Variants in TTN observed in about 807,000 individuals in gnomAD.
TTN encodes the protein titin.
TTN carries 1,525 observed loss-of-function variants against 3,223.0 expected under a neutral mutation model. The observed-to-expected ratio is 0.47, with a 90% confidence interval of 0.45 to 0.49. The LOEUF is 0.49. Among genes scored for constraint, TTN ranks in the 20% least tolerant of loss-of-function variants. The probability of loss-of-function intolerance (pLI) is 0.00; values close to 1 mark genes in which losing one functional copy is unlikely to be tolerated. For missense variants in TTN, 40,786 were observed against 43,424.0 expected (o/e 0.94, Z 5.40); for synonymous variants, 14,094 against 15,161.0 (o/e 0.93, Z 5.17).
At chr2:178,714,883 G>A (rs909277289) in intron 90 of TTN, 103 bp downstream of exon 90, 2 of 1,424,348 alleles carry the variant, frequency 1.4e-6, no homozygotes, top group East Asian at 2.3e-5. Context: ...AAGGGAAAGT[G>A]GAATAGGCTG....
At chr2:178,557,595 A>G (rs750566312) in intron 328 of TTN, 40 bp from the exon 329 acceptor site, 64 of 1,613,016 alleles carry the variant, frequency 4.0e-5, no homozygotes, top group Non-Finnish European at 5.3e-5. Flanking sequence ...TACAGACAAT[A>G]ACACATTTAT....
Position 178,530,099 on chromosome 2 carries a change from A to G in TTN, c.106392T>C (p.Gly35464=). The G allele has an allele frequency of 6.2e-7, 1 of 1,603,422 alleles. No homozygotes were observed. Among genetic ancestry groups the G allele is most frequent in the Non-Finnish European group, 8.5e-7 (1 of 1,177,328 alleles). Residue 35464 remains glycine, a synonymous_variant, in exon 359 of 363, where the codon GGT becomes GGC. Coordinates refer to ENST00000589042, the MANE Select transcript of TTN (RefSeq NM_001267550.2). ...CCTTGTCTTCAGAGAGTTTATATTTACCTCCTTGTGTAATGGCCTGTAGAA... is the reference window on the plus strand; with the variant it reads ...CCTTGTCTTCAGAGAGTTTATATTTGCCTCCTTGTGTAATGGCCTGTAGAA... ...TKDGKAITQG[G]KYKLSEDKGG... is the part of the protein sequence containing the mutation.
In TTN at chr2:178,562,631, C is replaced by T; in HGVS notation, c.83501G>A (p.Cys27834Tyr). Residue 27834 changes from cysteine to tyrosine, a missense_variant, in exon 326 of 363, where the codon TGT (cysteine) becomes TAT (tyrosine). By Grantham distance (194) the Cys-to-Tyr change is radical. Transcript: ENST00000589042. ...TFRIENLQEG[C>Y]SYYFRVLASN... ...AGCCAAGACTCGGAAGTAGTAAGAA[C>T]ATCCTTCTTGTAGATTTTCAATTCT... is the stretch of plus-strand genomic sequence containing the variant. 6.2e-7 allele frequency: 1 copy of T among 1,606,560 alleles called. No homozygotes were observed. The highest frequency in any genetic ancestry group is 1.1e-5 in the South Asian group (1 of 88,988).
At position 178,774,331 on chromosome 2, in the gene TTN, T is replaced by G; in HGVS notation, c.6933A>C (p.Lys2311Asn). ...GTCCACGACGAGATGTAATTGTATA[T>G]TTGCCATTGGATTTAAGCTCCACAT... ...HNDVELKSNG[K>N]YTITSRRGRQ... The change falls in exon 30 of 363, where the codon AAA (lysine) becomes AAC (asparagine). Residue 2311 changes from lysine (K) to asparagine (N), a missense_variant. Coordinates refer to ENST00000589042, the MANE Select transcript of TTN (RefSeq NM_001267550.2). 6.2e-7 allele frequency: 1 copy of G among 1,614,132 alleles called. No homozygotes were observed. The highest frequency in any genetic ancestry group is 1.1e-5 in the South Asian group (1 of 91,074).
At position 178,670,290 on chromosome 2, in the gene TTN, C is replaced by T. The variant is rs727505263; in HGVS notation, c.35314G>A (p.Glu11772Lys). Residue 11772 changes from glutamate (E) to lysine (K), a missense_variant, in exon 157 of 363, where the codon GAG becomes AAG. Coordinates refer to ENST00000589042, the MANE Select transcript of TTN (RefSeq NM_001267550.2). The part of the protein sequence containing the change: ...PRKEPPAKVP[E>K]VPKKIVVEEK... Reference sequence around the variant, plus strand: ...TCTACCACAATTTTCTTAGGCACCTCCGGTACTTTAAAGATAATAGTAATA... The same window carrying T: ...TCTACCACAATTTTCTTAGGCACCTTCGGTACTTTAAAGATAATAGTAATA... 64 of 1,475,604 alleles carry T rather than the reference C, an allele frequency of 4.3e-5. No homozygotes were observed. Among genetic ancestry groups the T allele is most frequent in the Non-Finnish European group, 5.7e-5 (64 of 1,117,516 alleles). The allele number at this position is 1,475,604 out of a possible 1,614,324, so 91.4% of individuals were successfully genotyped here.
chr2:178,711,443 C>A, intron 96 of TTN, 94 bp from the exon 97 acceptor site: 2 of 1,268,294 alleles, frequency 1.6e-6, no homozygotes, highest in Non-Finnish European at 2.1e-6. Flanking sequence ...TATGCAATTT[C>A]TATTAAAAAT....
intron 155 of TTN, 38 bp from the exon 156 acceptor site, chr2:178,671,208 T>C (rs1348515735): frequency 6.7e-7 from 1 of 1,499,984 alleles, no homozygotes; most frequent in East Asian, 2.4e-5. Context: ...GAATGAACTC[T>C]TGAAGTATTT....
Position 178,590,389 on chromosome 2 carries a change from G to A in TTN, c.61336C>T (p.Arg20446Cys), listed in dbSNP as rs1470445238. Residue 20446 changes from arginine to cysteine, a missense_variant, in exon 304 of 363, where the codon CGT (arginine) becomes TGT (cysteine). Coordinates refer to ENST00000589042, the MANE Select transcript of TTN (RefSeq NM_001267550.2). ...GLIEGNEYRFRIKAANIVGEG... is the reference protein window; with the variant it reads ...GLIEGNEYRFCIKAANIVGEG... Reference sequence around the variant, plus strand: ...CCTACAATATTAGCTGCCTTTATACGGAATCTGTACTCATTTCCTTCAATT... The same window carrying A: ...CCTACAATATTAGCTGCCTTTATACAGAATCTGTACTCATTTCCTTCAATT... 69 of 1,596,974 alleles carry A rather than the reference G, an allele frequency of 4.3e-5. No individual in the cohort carries two copies. The highest frequency in any genetic ancestry group is 4.9e-5 in the Non-Finnish European group (58 of 1,172,466).
rs1486425150 is a variant in TTN at position 178,702,626 on chromosome 2, G to A, written c.30261C>T (p.Ile10087=). 7.4e-6 allele frequency: 12 copies of A among 1,613,846 alleles called. No homozygotes were observed. The Admixed American group carries it at 1.5e-4, about 20-fold the overall frequency. The stretch of plus-strand genomic sequence containing the variant: ...TGGCAGACTGATGCTCACTCACCAC[G>A]ATGTTCTGTATGCGCTTTGTAAACT... ...PIQFTKRIQN[I]VVSEHQSATF... Residue 10087 remains isoleucine, a synonymous_variant, in exon 107 of 363, where the codon ATC becomes ATT. Transcript: ENST00000589042.
Position 178,547,022 on chromosome 2 carries a change from T to A in TTN, c.94503A>T (p.Ile31501=). ...VSKASEASRP[I]MAQNPVDAPG... ...ACATACCAACTGGATTTTGAGCCAT[T>A]ATAGGTCTTGAAGCTTCGCTGGCCT... Residue 31501 remains isoleucine, a synonymous_variant, in exon 340 of 363, where the codon ATA becomes ATT. Coordinates refer to ENST00000589042, the MANE Select transcript of TTN (RefSeq NM_001267550.2). The A allele has an allele frequency of 6.2e-7, 1 of 1,612,068 alleles. No individual in the cohort carries two copies. Among genetic ancestry groups the A allele is most frequent in the South Asian group, 1.1e-5 (1 of 90,958 alleles).
rs369885702 is a variant in TTN, at chr2:178,785,673, G to C, written c.2440C>G (p.Pro814Ala). The C allele has an allele frequency of 6.2e-7, 1 of 1,614,106 alleles. No homozygotes were observed. Among genetic ancestry groups the C allele is most frequent in the Non-Finnish European group, 8.5e-7 (1 of 1,179,988 alleles). Reference protein sequence around the residue: ...HVDKRPRTASPHFTVSKISVP... With the variant: ...HVDKRPRTASAHFTVSKISVP... ...GAAATTTTTGAAACAGTAAAGTGAG[G>C]GCTAGCTGTGCGGGGGCGTTTATCC... The change falls in exon 15 of 363, where the codon CCT becomes GCT. Residue 814 changes from proline (P) to alanine (A), a missense_variant. Physicochemically the swap from Pro to Ala is conservative, Grantham distance 27. Coordinates refer to ENST00000589042, the MANE Select transcript of TTN (RefSeq NM_001267550.2).
At chr2:178,761,339 C>T (rs748274097) in intron 43 of TTN, among the ~76,000 whole-genome samples, 3 of 152,146 alleles carry the variant, frequency 2.0e-5, no homozygotes, top group Non-Finnish European at 4.4e-5. Flanking sequence ...AAAAATCCTG[C>T]AGTGTCTCCT....
chr2:178,654,141 T>C, intron 193 of TTN, 46 bp from the exon 194 acceptor site: 1 of 1,594,306 alleles, frequency 6.3e-7, no homozygotes, highest in African/African-American at 1.3e-5. Flanking sequence ...GGCGAAGGTA[T>C]ATATTACAGT....
Position 178,605,515 on chromosome 2 carries a change from A to G in TTN, c.53780T>C (p.Leu17927Pro), listed in dbSNP as rs369678018. The G allele has an allele frequency of 1.6e-4, 259 of 1,612,316 alleles. No homozygotes were observed. The highest frequency in any genetic ancestry group is 2.0e-4 in the Non-Finnish European group (231 of 1,178,922). ...GAACTCATACATTTGGTGTTCATCA[A>G]GATTTTCAACCAGAAAAGATGTGGT... ...CPTTSFLVEN[L>P]DEHQMYEFRV... Residue 17927 changes from leucine (L) to proline (P), a missense_variant, in exon 279 of 363, where the codon CTT becomes CCT. By Grantham distance (98) the Leu-to-Pro change is moderately conservative. Coordinates refer to ENST00000589042, the MANE Select transcript of TTN (RefSeq NM_001267550.2).
At position 178,574,241 on chromosome 2, in the gene TTN, C is replaced by T. The variant is rs770679732; in HGVS notation, c.71891G>A (p.Arg23964Lys). The change falls in exon 326 of 363, where the codon AGA becomes AAA. Residue 23964 changes from arginine to lysine, a missense_variant. By Grantham distance (26) the Arg-to-Lys change is conservative (BLOSUM62 2). Transcript: ENST00000589042. ...FKITSYIVEK[R>K]DLPNGRWLKA... Reference sequence around the variant, plus strand: ...CAGCCACCGTCCATTAGGAAGGTCTCTCTTTTCAACGATATAACTGGTAAT... The same window carrying T: ...CAGCCACCGTCCATTAGGAAGGTCTTTCTTTTCAACGATATAACTGGTAAT... 1 of 1,613,132 alleles carries T rather than the reference C, an allele frequency of 6.2e-7. No homozygotes were observed. Among genetic ancestry groups the T allele is most frequent in the Admixed American group, 1.7e-5 (1 of 59,986 alleles).
rs1707778463 is a variant in TTN at position 178,570,494 on chromosome 2, A to G, written c.75638T>C (p.Val25213Ala). The G allele has an allele frequency of 6.2e-7, 1 of 1,613,178 alleles. No homozygotes were observed. The highest frequency in any genetic ancestry group is 1.7e-5 in the Admixed American group (1 of 59,938). Reference protein sequence around the residue: ...DRPGPPEGPVVISGVTAEKCT... With the variant: ...DRPGPPEGPVAISGVTAEKCT... Reference sequence around the variant, plus strand: ...TTTTTCTGCTGTAACTCCTGAGATAACAACAGGTCCTTCAGGTGGCCCTGG... The same window carrying G: ...TTTTTCTGCTGTAACTCCTGAGATAGCAACAGGTCCTTCAGGTGGCCCTGG... The change falls in exon 326 of 363, where the codon GTT becomes GCT. Residue 25213 changes from valine to alanine, a missense_variant. Val to Ala is a moderately conservative substitution (Grantham distance 64, BLOSUM62 0). Transcript: ENST00000589042.
At position 178,740,649 on chromosome 2, in the gene TTN, T is replaced by C. The variant is rs952118353; in HGVS notation, c.12584A>G (p.Asn4195Ser). The C allele has an allele frequency of 6.2e-7, 1 of 1,613,806 alleles. No homozygotes were observed. The highest frequency in any genetic ancestry group is 8.5e-7 in the Non-Finnish European group (1 of 1,179,802). The change falls in exon 48 of 363, where the codon AAT becomes AGT. Residue 4195 changes from asparagine (N) to serine (S), a missense_variant. Physicochemically the swap from Asn to Ser is conservative, Grantham distance 46. Coordinates refer to ENST00000589042, the MANE Select transcript of TTN (RefSeq NM_001267550.2). ...TTTCAGAGGCTCAACTGTTAATGAA[T>C]TAATTTGTTCTATGGACATGGCACT... ...FPSAMSIEQI[N>S]SLTVEPLKTL...
intron 104 of TTN, 23 bp from the exon 105 acceptor site, chr2:178,704,800 C>G: frequency 6.2e-7 from 1 of 1,606,312 alleles, no homozygotes. Flanking sequence ...AGAATTAAAA[C>G]ACATTTGTTA....
At position 178,682,787 on chromosome 2, in the gene TTN, C is replaced by T; in HGVS notation, c.33004G>A (p.Glu11002Lys). 6.2e-7 allele frequency: 1 copy of T among 1,612,974 alleles called. No homozygotes were observed. The highest frequency in any genetic ancestry group is 8.5e-7 in the Non-Finnish European group (1 of 1,179,258). ...YEEYDYKEFE[E>K]YEPTEEYDQY... ...TCATATTCTTCTGTTGGTTCATACT[C>T]CTCAAATTCTTTATAATCATATTCT... The change falls in exon 135 of 363, where the codon GAG (glutamate) becomes AAG (lysine). Residue 11002 changes from glutamate to lysine, a missense_variant. Coordinates refer to ENST00000589042, the MANE Select transcript of TTN (RefSeq NM_001267550.2).
Sources: allele counts gnomAD v4.1 joint callset (sites outside exome capture counted in the v4.1 genomes callset), GRCh38; gene constraint gnomAD v4.1.1; transcripts MANE v1.5; gene names NCBI Gene and HGNC (gene_info 2026-07-23, HGNC 2026-07-21).